Variants in ZNF407 observed in about 807,000 individuals in gnomAD.
ZNF407 encodes the protein zinc finger protein 407.
ZNF407 carries 17 observed loss-of-function variants against 131.2 expected under a neutral mutation model. The ratio of observed to expected loss-of-function variants is 0.13; its 90% CI spans 0.09 to 0.19. The LOEUF (loss-of-function observed/expected upper bound fraction) is 0.19. ZNF407 is among the 10% of genes least tolerant of loss of function. The probability of loss-of-function intolerance (pLI) is 1.00; values close to 1 mark genes in which losing one functional copy is unlikely to be tolerated. For synonymous variants in ZNF407, 1,156 were observed against 1,062.0 expected (o/e 1.09, Z -1.72); for missense variants, 2,681 against 2,830.6 (o/e 0.95, Z 1.20).
intron 4 of ZNF407, among the ~76,000 whole-genome samples, chr18:74,811,455 A>G (rs1394094406): frequency 6.6e-6 from 1 of 152,200 alleles, no homozygotes; most frequent in African/African-American, 2.4e-5. Context: ...CCATTGTGGA[A>G]GTCAGTGTGG....
chr18:74,860,097 G>A (rs1187141147), intron 4 of ZNF407, among the ~76,000 whole-genome samples: 3 of 152,104 alleles, frequency 2.0e-5, no homozygotes, highest in Admixed American at 6.5e-5. Context: ...CTTGAGCCCA[G>A]GAGTTTGAGA....
intron 3 of ZNF407, among the ~76,000 whole-genome samples, chr18:74,736,210 G>A (rs185355975): frequency 6.6e-6 from 1 of 152,154 alleles, no homozygotes; most frequent in African/African-American, 2.4e-5. Context: ...TTACAGCAAT[G>A]GAGAGCTTGC....
At position 74,632,332 on chromosome 18, in the gene ZNF407, G is replaced by A; in HGVS notation, c.1313G>A (p.Gly438Asp). Reference sequence around the variant, plus strand: ...CGAAGCAGCACTTTCACCTTGAAGGGCCAGGCAAAGAAAAGGTTTAATCTT... The same window carrying A: ...CGAAGCAGCACTTTCACCTTGAAGGACCAGGCAAAGAAAAGGTTTAATCTT... ...RRRSSTFTLK[G>D]QAKKRFNLLG... The change falls in exon 2 of 9, where the codon GGC becomes GAC. Residue 438 changes from glycine (G) to aspartate (D), a missense_variant. Physicochemically the swap from Gly to Asp is moderately conservative, Grantham distance 94. This residue lies in a region of ZNF407 where 1,789 missense variants were observed against 1,748.7 expected (regional missense o/e 1.02). Transcript: ENST00000299687. 1 of 1,613,970 alleles carries A rather than the reference G, an allele frequency of 6.2e-7. No individual in the cohort carries two copies. Among genetic ancestry groups the A allele is most frequent in the Non-Finnish European group, 8.5e-7 (1 of 1,179,902 alleles).
intron 4 of ZNF407, among the ~76,000 whole-genome samples, chr18:74,845,009 C>A (rs1424598346): frequency 6.6e-6 from 1 of 152,124 alleles, no homozygotes; most frequent in Non-Finnish European, 1.5e-5. Flanking sequence ...TTGATGATTC[C>A]GGAGTAAAGC....
intron 4 of ZNF407, among the ~76,000 whole-genome samples, chr18:74,871,310 A>G (rs901813959): frequency 3.3e-5 from 5 of 152,188 alleles, no homozygotes; most frequent in African/African-American, 7.2e-5. Context: ...ATATTATCAT[A>G]TAATTATTAA....
At chr18:75,032,871 A>G (rs113605807) in intron 8 of ZNF407, among the ~76,000 whole-genome samples, 11 of 134,968 alleles carry the variant, frequency 8.2e-5, no homozygotes, top group East Asian at 7.3e-4. Flanking sequence ...ATAGTATTAG[A>G]TAACTGAGAG....
chr18:74,678,027 G>A (rs1003134748), intron 3 of ZNF407, among the ~76,000 whole-genome samples: 4 of 151,976 alleles, frequency 2.6e-5, no homozygotes, highest in Admixed American at 2.0e-4. Context: ...CACTATGTTG[G>A]CCATGCTCAT....
chr18:74,777,078 T>C (rs1167031822), intron 3 of ZNF407, among the ~76,000 whole-genome samples: 1 of 152,166 alleles, frequency 6.6e-6, no homozygotes, highest in Non-Finnish European at 1.5e-5. Context: ...TGTATGTGCT[T>C]TAATAGATGA....
chr18:74,855,469 AT>A (rs1285588458), intron 4 of ZNF407, among the ~76,000 whole-genome samples: 1 of 152,154 alleles, frequency 6.6e-6, no homozygotes, highest in Non-Finnish European at 1.5e-5. Context: ...AATATCCAAT[AT>A]TTTTTTGAAC....
chr18:74,825,530 T>A (rs1029641326), intron 4 of ZNF407, among the ~76,000 whole-genome samples: 3 of 152,170 alleles, frequency 2.0e-5, no homozygotes, highest in African/African-American at 7.2e-5. Context: ...TTAAATATGG[T>A]TTTGAAACTT....
chr18:74,850,581 G>C (rs1013511268), intron 4 of ZNF407, among the ~76,000 whole-genome samples: 1 of 152,128 alleles, frequency 6.6e-6, no homozygotes, highest in Admixed American at 6.5e-5. Flanking sequence ...TAAATGTATA[G>C]ATTTGACCAA....
At chr18:74,955,539 A>C (rs1972265660) in intron 8 of ZNF407, among the ~76,000 whole-genome samples, 2 of 152,206 alleles carry the variant, frequency 1.3e-5, no homozygotes, top group African/African-American at 2.4e-5. Flanking sequence ...ACTTTGGCAC[A>C]ATCAGTATGT....
rs1982862305 is a variant in ZNF407, at chr18:74,607,506, C to T, written c.-54+9569C>T. Among the ~76,000 whole-genome samples the T allele has an allele frequency of 2.6e-5, 4 of 151,682 alleles. No homozygotes were observed. The South Asian group carries it at 8.3e-4, about 32-fold the overall frequency. ...AAAAAAAAAAAGAAATGGAGTATTTCTCACAGAGTCACTGTGGCATTTTCA... is the reference window on the plus strand; with the variant it reads ...AAAAAAAAAAAGAAATGGAGTATTTTTCACAGAGTCACTGTGGCATTTTCA... On this transcript the variant is annotated intron_variant, in intron 1 of 8. Transcript: ENST00000299687.
chr18:74,891,308 A>T (rs537207382), intron 7 of ZNF407, among the ~76,000 whole-genome samples: 1 of 152,226 alleles, frequency 6.6e-6, no homozygotes, highest in Non-Finnish European at 1.5e-5. Context: ...GAAGATCTCC[A>T]CTGCGCTCGA....
At chr18:75,007,123 A>T (rs1027879314) in intron 8 of ZNF407, among the ~76,000 whole-genome samples, 3 of 152,172 alleles carry the variant, frequency 2.0e-5, no homozygotes, top group African/African-American at 7.2e-5. Flanking sequence ...TCCTGTCTGG[A>T]AAACTTGGTG....
chr18:74,618,071 T>G (rs1983389953), intron 1 of ZNF407, among the ~76,000 whole-genome samples: 1 of 152,236 alleles, frequency 6.6e-6, no homozygotes, highest in Admixed American at 6.5e-5. Context: ...GGCTTACTCA[T>G]TCCTACTTGT....
intron 3 of ZNF407, among the ~76,000 whole-genome samples, chr18:74,677,529 TC>T (rs1986442664): frequency 6.6e-6 from 1 of 152,168 alleles, no homozygotes. Context: ...GATAGTATTT[TC>T]TTTTTTTTTC....
At chr18:75,033,095 G>A (rs1184207722) in intron 8 of ZNF407, among the ~76,000 whole-genome samples, 1 of 121,514 alleles carries the variant, frequency 8.2e-6, no homozygotes, top group East Asian at 2.7e-4. Context: ...CGGAATGGGG[G>A]GAAGATAGCA....
In ZNF407 at chr18:74,635,284, T is replaced by C; in HGVS notation, c.4265T>C (p.Leu1422Ser). 1 of 1,614,026 alleles carries C rather than the reference T, an allele frequency of 6.2e-7. No individual in the cohort carries two copies. Among genetic ancestry groups the C allele is most frequent in the Admixed American group, 1.7e-5 (1 of 60,028 alleles). The change falls in exon 2 of 9, where the codon TTA (leucine) becomes TCA (serine). Residue 1422 changes from leucine to serine, a missense_variant. Coordinates refer to ENST00000299687, the MANE Select transcript of ZNF407 (RefSeq NM_017757.3). The surrounding 1 kb of genome is among the most constrained non-coding windows in gnomAD (Gnocchi z 4.7). The part of the protein sequence containing the change: ...TRIRCDDCGF[L>S]ADGLSGLNVH... ...ATTCGCTGTGATGATTGTGGCTTCTTAGCAGATGGACTGAGTGGACTGAAT... is the reference window on the plus strand; with the variant it reads ...ATTCGCTGTGATGATTGTGGCTTCTCAGCAGATGGACTGAGTGGACTGAAT...
Sources: gnomAD v4.1 joint callset for allele counts (sites outside exome capture counted in the v4.1 genomes callset) on GRCh38, gnomAD v4.1.1 for gene constraint, gnomAD v4.1.1 regional missense constraint, Gnocchi (gnomAD v3.1) non-coding constraint, MANE v1.5 for transcripts, NCBI Gene and HGNC (gene_info 2026-07-23, HGNC 2026-07-21) for gene names.